The following GRIK2 variants were observed in gnomAD, a reference collection of about 807,000 sequenced individuals.
GRIK2 encodes the protein glutamate ionotropic receptor kainate type subunit 2.
A neutral mutation model predicts 100.3 loss-of-function variants in GRIK2; 32 were observed. The observed-to-expected ratio is 0.32, with a 90% CI of 0.24 to 0.43. The LOEUF is 0.43. Among genes scored for constraint, GRIK2 ranks in the 20% least tolerant of loss-of-function variants. GRIK2 has a pLI of 1.00. For synonymous variants in GRIK2, 417 were observed against 389.4 expected, an observed-to-expected ratio of 1.07 and a Z score of -0.83; for missense variants, 843 against 1,114.9, an observed-to-expected ratio of 0.76 and a Z score of 3.47.
chr6:101,661,808 T>C (rs1022903408), intron 4 of GRIK2, among the ~76,000 whole-genome samples: 4 of 152,094 alleles, frequency 2.6e-5, no homozygotes, highest in Non-Finnish European at 4.4e-5. Flanking sequence ...CTGCACCCAC[T>C]GTCTAACTAG....
At chr6:101,818,800 C>G (rs1484316381) in intron 10 of GRIK2, among the ~76,000 whole-genome samples, 1 of 152,094 alleles carries the variant, frequency 6.6e-6, no homozygotes, top group Non-Finnish European at 1.5e-5. Context: ...ACGTGCAGCT[C>G]TATAAATATA....
chr6:101,986,466 T>G (rs1423118142), intron 14 of GRIK2, among the ~76,000 whole-genome samples: 1 of 151,904 alleles, frequency 6.6e-6, no homozygotes, highest in Non-Finnish European at 1.5e-5. Flanking sequence ...TTCTTCTGCA[T>G]AGTTTGAACG....
At chr6:101,653,100 G>T (rs1214557493) in intron 4 of GRIK2, among the ~76,000 whole-genome samples, 1 of 152,152 alleles carries the variant, frequency 6.6e-6, no homozygotes, top group Non-Finnish European at 1.5e-5. Flanking sequence ...CCTTGAGGTT[G>T]TAAACAGATT....
At chr6:101,904,863 GATTA>G (rs956508119) in intron 12 of GRIK2, among the ~76,000 whole-genome samples, 3 of 151,380 alleles carry the variant, frequency 2.0e-5, no homozygotes, top group East Asian at 1.9e-4. Context: ...ACTCAAGGTG[GATTA>G]ATTATGTAGA....
At chr6:102,063,558 A>G (rs575780631) in intron 16 of GRIK2, among the ~76,000 whole-genome samples, 291 of 150,978 alleles carry the variant, frequency 1.9e-3, no homozygotes, top group African/African-American at 6.9e-3. Context: ...GATTTCAACT[A>G]CACTTCTAAT....
At chr6:101,855,545 A>G (rs936239438) in intron 10 of GRIK2, among the ~76,000 whole-genome samples, 2 of 152,258 alleles carry the variant, frequency 1.3e-5, no homozygotes, top group Non-Finnish European at 1.5e-5. Context: ...CAATCAATCA[A>G]TCAATCAATA....
At chr6:101,980,891 C>CTTTT (rs36081447) in intron 14 of GRIK2, among the ~76,000 whole-genome samples, 1 of 124,780 alleles carries the variant, frequency 8.0e-6, no homozygotes, top group Non-Finnish European at 1.7e-5. Flanking sequence ...CCATTTTTTC[C>CTTTT]TTTTTTTTTT....
chr6:101,669,902 A>G (rs1770300843), intron 4 of GRIK2, among the ~76,000 whole-genome samples: 1 of 152,132 alleles, frequency 6.6e-6, no homozygotes. Context: ...AAGAATGAAA[A>G]TAAATATGGA....
intron 9 of GRIK2, among the ~76,000 whole-genome samples, chr6:101,817,346 GACTT>G (rs1781695764): frequency 6.6e-6 from 1 of 152,060 alleles, no homozygotes; most frequent in East Asian, 1.9e-4. Context: ...ATTTTAAAAA[GACTT>G]AATTTATATA....
intron 10 of GRIK2, among the ~76,000 whole-genome samples, chr6:101,845,479 C>CA (rs2128437120): frequency 6.6e-6 from 1 of 152,266 alleles, no homozygotes; most frequent in South Asian, 2.1e-4. Flanking sequence ...CATGCTGTAA[C>CA]ATGTATCAAT....
At chr6:101,647,098 T>C (rs1202505162) in intron 4 of GRIK2, among the ~76,000 whole-genome samples, 1 of 151,988 alleles carries the variant, frequency 6.6e-6, no homozygotes, top group Non-Finnish European at 1.5e-5. Context: ...TATGAAACTT[T>C]TCTGAGGGAA....
rs760757380 is a variant in GRIK2, at chr6:102,055,556, C to CA, written c.2546dup (p.Asn849LysfsTer11). ...CAGTGGGAGAATTTTTATACAAATC[C>CA]AAAAAAAACGCTCAATTGGAAAAGG... On this transcript the variant is annotated frameshift_variant, in exon 16 of 17. Coordinates refer to ENST00000369134, the MANE Select transcript of GRIK2 (RefSeq NM_021956.5). LOFTEE classifies it high-confidence loss of function. 4.0e-5 allele frequency: 64 copies of CA among 1,595,232 alleles called. No individual in the cohort carries two copies. The highest frequency in any genetic ancestry group is 5.0e-5 in the Non-Finnish European group (58 of 1,168,424).
At chr6:101,583,417 A>G (rs1262511120) in intron 2 of GRIK2, among the ~76,000 whole-genome samples, 3 of 152,080 alleles carry the variant, frequency 2.0e-5, no homozygotes, top group Admixed American at 6.6e-5. Flanking sequence ...TTTGATTCCT[A>G]TGAGAATGTT....
In GRIK2 at chr6:101,673,666, T is replaced by C. The variant is rs548744213; in HGVS notation, c.542-2957T>C. ...ATGTATTAACTTGGATGTCACCTCC[T>C]TTGGAATAATTTCCCCTGAGTCCTC... On this transcript the variant is annotated intron_variant, in intron 4 of 16. Transcript: ENST00000369134. Among the ~76,000 whole-genome samples the C allele has an allele frequency of 4.6e-5, 7 of 152,324 alleles. No individual in the cohort carries two copies. The East Asian group carries it at 1.4e-3, about 29-fold the overall frequency.
intron 14 of GRIK2, among the ~76,000 whole-genome samples, chr6:102,026,963 A>G (rs1221066391): frequency 6.6e-6 from 1 of 151,284 alleles, no homozygotes; most frequent in Non-Finnish European, 1.5e-5. Context: ...AGATGAGTCC[A>G]GATAGGGCTC....
intron 11 of GRIK2, among the ~76,000 whole-genome samples, chr6:101,878,821 G>A (rs1786048178): frequency 1.3e-5 from 2 of 151,900 alleles, no homozygotes; most frequent in African/African-American, 2.4e-5. Context: ...TGGCTGCTCT[G>A]TCTCTCACAC....
chr6:102,047,782 C>T (rs1171671132), intron 15 of GRIK2, among the ~76,000 whole-genome samples: 1 of 151,728 alleles, frequency 6.6e-6, no homozygotes, highest in Non-Finnish European at 1.5e-5. Flanking sequence ...TTTCTTCCTA[C>T]CCAAAGCTAT....
intron 14 of GRIK2, among the ~76,000 whole-genome samples, chr6:102,032,945 T>C (rs1255497909): frequency 6.6e-6 from 1 of 151,194 alleles, no homozygotes; most frequent in African/African-American, 2.4e-5. Flanking sequence ...ATCCATGAAA[T>C]GTATATTTAG....
chr6:101,934,977 T>C (rs1399945753), intron 14 of GRIK2, among the ~76,000 whole-genome samples: 1 of 152,052 alleles, frequency 6.6e-6, no homozygotes, highest in Non-Finnish European at 1.5e-5. Context: ...TAGATATGTT[T>C]GGTTTTAGAG....
Sources: allele counts gnomAD v4.1 joint callset (sites outside exome capture counted in the v4.1 genomes callset), GRCh38; gene constraint gnomAD v4.1.1; transcripts MANE v1.5; gene names NCBI Gene and HGNC (gene_info 2026-07-23, HGNC 2026-07-21).